The following EDNRA variants were observed in gnomAD, a reference collection of about 807,000 sequenced individuals.
EDNRA encodes endothelin receptor type A, also known as endothelin-1 receptor.
In EDNRA, 11 loss-of-function variants were observed where a neutral mutation model predicts 41.4. That is an observed-to-expected ratio of 0.27 (90% CI 0.17 to 0.44). The LOEUF is 0.44. Among genes scored for constraint, EDNRA ranks in the 20% least tolerant of loss-of-function variants. EDNRA has a pLI of 1.00. For synonymous variants in EDNRA, 172 were observed against 183.0 expected, an observed-to-expected ratio of 0.94 and a Z score of 0.49; for missense variants, 294 against 531.0, an observed-to-expected ratio of 0.55 and a Z score of 4.39.
chr4:147,516,723 C>CTTGTT (rs1042984804), intron 2 of EDNRA, among the ~76,000 whole-genome samples: 4 of 151,834 alleles, frequency 2.6e-5, no homozygotes, highest in African/African-American at 4.8e-5. Flanking sequence ...TTTGTTTTGT[C>CTTGTT]TTGTTTTGTT....
intron 7 of EDNRA, among the ~76,000 whole-genome samples, chr4:147,541,792 T>A (rs1004550596): frequency 6.6e-6 from 1 of 152,178 alleles, no homozygotes; most frequent in Non-Finnish European, 1.5e-5. Flanking sequence ...CAGCCCAAAA[T>A]GGATTGACTA....
intron 5 of EDNRA, among the ~76,000 whole-genome samples, chr4:147,536,783 G>C (rs181110465): frequency 2.0e-5 from 3 of 152,282 alleles, no homozygotes; most frequent in Non-Finnish European, 1.5e-5. Context: ...GGCTAATGTT[G>C]GTCCCTCCTG....
At chr4:147,490,937 G>C (rs776347515) in intron 2 of EDNRA, 1 of 152,168 alleles carries the variant, frequency 6.6e-6, no homozygotes, top group Non-Finnish European at 1.5e-5. Context: ...GAGAGAGATG[G>C]AGTAAGGGAA....
At position 147,485,697 on chromosome 4, in the gene EDNRA, C is replaced by T. The variant is rs1443219650; in HGVS notation, c.16C>T (p.Leu6Phe). The T allele has an allele frequency of 2.5e-6, 4 of 1,606,114 alleles. No homozygotes were observed. The highest frequency in any genetic ancestry group is 3.4e-6 in the Non-Finnish European group (4 of 1,174,942). The change falls in exon 2 of 8, where the codon CTC (leucine) becomes TTC (phenylalanine). Residue 6 changes from leucine to phenylalanine, a missense_variant. By Grantham distance (22) the Leu-to-Phe change is conservative (BLOSUM62 0). This residue lies in a region of EDNRA where 90 missense variants were observed against 122.8 expected (regional missense o/e 0.73). Coordinates refer to ENST00000651419, the MANE Select transcript of EDNRA (RefSeq NM_001957.4). The part of the protein sequence containing the change: METLC[L>F]RASFWLALVG... Reference sequence around the variant, plus strand: ...TTGCCTCAAGATGGAAACCCTTTGCCTCAGGGCATCCTTTTGGCTGGCACT... The same window carrying T: ...TTGCCTCAAGATGGAAACCCTTTGCTTCAGGGCATCCTTTTGGCTGGCACT...
chr4:147,498,563 T>G (rs1560898091), intron 2 of EDNRA, among the ~76,000 whole-genome samples: 2 of 151,940 alleles, frequency 1.3e-5, no homozygotes, highest in African/African-American at 2.4e-5. Context: ...TGGCAGCTTT[T>G]GAGTAGTTTC....
chr4:147,525,581 AGTTTG>A (rs1730507415), intron 3 of EDNRA, among the ~76,000 whole-genome samples: 3 of 137,416 alleles, frequency 2.2e-5, no homozygotes, highest in African/African-American at 9.4e-5. Flanking sequence ...TATTACTTTG[AGTTTG>A]TTTGGAGGCA....
chr4:147,522,997 G>A (rs1173926344), intron 3 of EDNRA, among the ~76,000 whole-genome samples: 5 of 152,226 alleles, frequency 3.3e-5, no homozygotes, highest in African/African-American at 1.2e-4. Context: ...GCAGGGTGGT[G>A]CTTCCACGTC....
At chr4:147,525,595 CAA>C (rs58331044) in intron 3 of EDNRA, among the ~76,000 whole-genome samples, 39 of 132,248 alleles carry the variant, frequency 2.9e-4, no homozygotes, top group Non-Finnish European at 3.1e-4. Context: ...TGTTTGGAGG[CAA>C]AAAAAAAAAA....
rs547540217 is a variant in EDNRA at position 147,521,955 on chromosome 4, A to G, written c.548+1977A>G. Among the ~76,000 whole-genome samples, 24 of 152,322 alleles carry G rather than the reference A, an allele frequency of 1.6e-4. No individual in the cohort carries two copies. The East Asian group carries it at 4.2e-3, about 27-fold the overall frequency. On this transcript the variant is annotated intron_variant, in intron 3 of 7. Coordinates refer to ENST00000651419, the MANE Select transcript of EDNRA (RefSeq NM_001957.4). Reference sequence around the variant, plus strand: ...GGCCTATATGGTCATTTTAAATGCTATAAAGCTACAATGTTTTAAACAATG... The same window carrying G: ...GGCCTATATGGTCATTTTAAATGCTGTAAAGCTACAATGTTTTAAACAATG...
chr4:147,510,275 C>T (rs1022955495), intron 2 of EDNRA, among the ~76,000 whole-genome samples: 4 of 152,122 alleles, frequency 2.6e-5, no homozygotes, highest in South Asian at 2.1e-4. Context: ...AGGAAAGGAA[C>T]CCAGTGTCAC....
At chr4:147,510,038 G>C (rs956137376) in intron 2 of EDNRA, among the ~76,000 whole-genome samples, 1 of 152,060 alleles carries the variant, frequency 6.6e-6, no homozygotes, top group African/African-American at 2.4e-5. Flanking sequence ...TCCCATCCAA[G>C]TGTAAAATGC....
At chr4:147,527,058 G>A (rs923358889) in intron 3 of EDNRA, among the ~76,000 whole-genome samples, 14 of 152,224 alleles carry the variant, frequency 9.2e-5, no homozygotes, top group African/African-American at 3.4e-4. Context: ...GTTAATTAAA[G>A]ATGTGCAGAG....
chr4:147,507,749 A>G (rs1231160023), intron 2 of EDNRA, among the ~76,000 whole-genome samples: 1 of 152,190 alleles, frequency 6.6e-6, no homozygotes, highest in African/African-American at 2.4e-5. Context: ...AAATTGTGCC[A>G]TTTCACATTC....
At chr4:147,533,858 G>A (rs772328536) in intron 4 of EDNRA, among the ~76,000 whole-genome samples, 3 of 152,166 alleles carry the variant, frequency 2.0e-5, no homozygotes, top group Non-Finnish European at 4.4e-5. Context: ...CTATCTAGAC[G>A]TGTTCAAGTA....
intron 7 of EDNRA, among the ~76,000 whole-genome samples, chr4:147,541,862 A>G (rs1245723579): frequency 6.6e-6 from 1 of 152,212 alleles, no homozygotes; most frequent in Non-Finnish European, 1.5e-5. Flanking sequence ...TTACTCATTA[A>G]TTTACATATT....
intron 2 of EDNRA, among the ~76,000 whole-genome samples, chr4:147,502,671 A>G (rs1050409133): frequency 3.5e-4 from 54 of 152,214 alleles, no homozygotes; most frequent in African/African-American, 1.3e-3. Flanking sequence ...CTAGAAGCCA[A>G]TATCCAAACT....
chr4:147,526,753 T>C (rs1363671803), intron 3 of EDNRA, among the ~76,000 whole-genome samples: 1 of 152,166 alleles, frequency 6.6e-6, no homozygotes, highest in African/African-American at 2.4e-5. Context: ...AAGACTACCC[T>C]GGGCAACATA....
chr4:147,537,775 C>T (rs766372599), intron 5 of EDNRA, among the ~76,000 whole-genome samples: 26 of 112,938 alleles, frequency 2.3e-4, no homozygotes, highest in Non-Finnish European at 4.3e-4. Flanking sequence ...GTTTGCTCAA[C>T]CAAATGGAGA....
chr4:147,542,491 G>A lies in EDNRA; in HGVS notation c.1157G>A (p.Cys386Tyr), dbSNP rs1226849198. 6.2e-7 allele frequency: 1 copy of A among 1,614,038 alleles called. No homozygotes were observed. Among genetic ancestry groups the A allele is most frequent in the Non-Finnish European group, 8.5e-7 (1 of 1,180,038 alleles). Residue 386 changes from cysteine to tyrosine, a missense_variant, in exon 8 of 8, where the codon TGC (cysteine) becomes TAC (tyrosine). By Grantham distance (194) the Cys-to-Tyr change is radical. Transcript: ENST00000651419. ...TCCTTCCCCCAGTCATGCCTCTGCTGCTGCTGTTACCAGTCCAAAAGTCTG... is the reference window on the plus strand; with the variant it reads ...TCCTTCCCCCAGTCATGCCTCTGCTACTGCTGTTACCAGTCCAAAAGTCTG... Reference protein sequence around the residue: ...FKNCFQSCLCCCCYQSKSLMT... With the variant: ...FKNCFQSCLCYCCYQSKSLMT...
Sources: gnomAD v4.1 joint callset for allele counts (sites outside exome capture counted in the v4.1 genomes callset) on GRCh38, gnomAD v4.1.1 for gene constraint, gnomAD v4.1.1 regional missense constraint, MANE v1.5 for transcripts, NCBI Gene and HGNC (gene_info 2026-07-23, HGNC 2026-07-21) for gene names.